The following PDE2A variants were observed in gnomAD, a reference collection of about 807,000 sequenced individuals.
The protein encoded by PDE2A is phosphodiesterase 2A.
A neutral mutation model predicts 133.6 loss-of-function variants in PDE2A; 53 were observed. That is an observed-to-expected ratio of 0.40 (90% CI 0.32 to 0.50). PDE2A has a LOEUF of 0.50. Ranked by LOEUF, PDE2A falls within the 20% of genes least tolerant of loss-of-function variation. The pLI is 0.73. For missense variants in PDE2A, 796 were observed against 1,232.4 expected (o/e 0.65, Z 5.30); for synonymous variants, 491 against 490.2 (o/e 1.00, Z -0.02).
chr11:72,641,494 A>G (rs1319259831), intron 2 of PDE2A, among the ~76,000 whole-genome samples: 1 of 152,250 alleles, frequency 6.6e-6, no homozygotes, highest in Non-Finnish European at 1.5e-5. Flanking sequence ...ATAGACCAAG[A>G]GAGGTGGGCA....
chr11:72,640,833 T>C (rs968168693), intron 2 of PDE2A, among the ~76,000 whole-genome samples: 2 of 151,250 alleles, frequency 1.3e-5, no homozygotes, highest in African/African-American at 4.9e-5. Flanking sequence ...ACACACAAGT[T>C]CTCTACACAC....
chr11:72,612,960 AGAG>A (rs774958968), intron 2 of PDE2A, among the ~76,000 whole-genome samples: 2 of 152,140 alleles, frequency 1.3e-5, no homozygotes, highest in African/African-American at 2.4e-5. Context: ...TTATCTGGGG[AGAG>A]GAGAGGGTCT....
intron 2 of PDE2A, among the ~76,000 whole-genome samples, chr11:72,628,625 G>A (rs369553304): frequency 1.4e-4 from 22 of 152,212 alleles, no homozygotes; most frequent in African/African-American, 3.4e-4. Flanking sequence ...CACCGCTCCC[G>A]GCAGTGATAG....
Position 72,590,464 on chromosome 11 carries a change from C to A in PDE2A, c.666G>T (p.Ala222=), listed in dbSNP as rs765210423. 23 of 1,542,592 alleles carry A rather than the reference C, an allele frequency of 1.5e-5. No individual in the cohort carries two copies. The highest frequency in any genetic ancestry group is 2.0e-5 in the Non-Finnish European group (23 of 1,147,014). ...GTAEDQKGGA[A]YTDRDRKILQ... ...GGATCTTGCGGTCGCGGTCGGTGTA[C>A]GCCGCCCCGCCCTTCTGGTCTTCCG... Residue 222 remains alanine (A), a synonymous_variant, in exon 8 of 31, where the codon GCG becomes GCT. Transcript: ENST00000334456. This position sits in a 1 kb window ranked among gnomAD's most constrained non-coding sequence, Gnocchi z 4.8.
chr11:72,672,528 C>T (rs1704704424), intron 1 of PDE2A, among the ~76,000 whole-genome samples: 1 of 152,276 alleles, frequency 6.6e-6, no homozygotes, highest in African/African-American at 2.4e-5. Context: ...TGTCTCTCCC[C>T]TATATAAAAC....
Position 72,577,549 on chromosome 11 carries a change from G to T in PDE2A, c.2661C>A (p.Arg887=). 11 of 1,609,648 alleles carry T rather than the reference G, an allele frequency of 6.8e-6. No individual in the cohort carries two copies. Among genetic ancestry groups the T allele is most frequent in the Non-Finnish European group, 9.3e-6 (11 of 1,179,992 alleles). ...LFPKAAELYE[R]VASNREHWTK... Reference sequence around the variant, plus strand: ...TCCAGTGCTCACGGTTGGAGGCCACGCGCTCGTACAGCTCTGCCGCTTTGG... The same window carrying T: ...TCCAGTGCTCACGGTTGGAGGCCACTCGCTCGTACAGCTCTGCCGCTTTGG... The change falls in exon 31 of 31, where the codon CGC becomes CGA. Residue 887 remains arginine, a synonymous_variant. Coordinates refer to ENST00000334456, the MANE Select transcript of PDE2A (RefSeq NM_002599.5).
At chr11:72,628,333 C>CTTTT (rs562919002) in intron 2 of PDE2A, among the ~76,000 whole-genome samples, 1 of 142,054 alleles carries the variant, frequency 7.0e-6, no homozygotes. Flanking sequence ...GATAGAGGTT[C>CTTTT]TTTTTTTTTT....
At chr11:72,627,858 G>A (rs1234087379) in intron 2 of PDE2A, among the ~76,000 whole-genome samples, 4 of 152,212 alleles carry the variant, frequency 2.6e-5, no homozygotes. Flanking sequence ...AACTTGAACT[G>A]CCCCAGACCT....
chr11:72,583,652 C>T (rs1855821881), intron 19 of PDE2A, 137 bp from the exon 20 acceptor site: 2 of 671,502 alleles, frequency 3.0e-6, no homozygotes, highest in South Asian at 3.5e-5. Flanking sequence ...CTTCAAGCTC[C>T]AGTCCACAGT....
chr11:72,633,191 C>CCTAAGAAGCCAA (rs71858054), intron 2 of PDE2A, among the ~76,000 whole-genome samples: 6 of 151,996 alleles, frequency 3.9e-5, no homozygotes, highest in Non-Finnish European at 8.8e-5. Flanking sequence ...GGACCCTAGT[C>CCTAAGAAGCCAA]CAGGCCAGGG....
At chr11:72,627,643 T>C (rs1858150664) in intron 2 of PDE2A, among the ~76,000 whole-genome samples, 1 of 152,184 alleles carries the variant, frequency 6.6e-6, no homozygotes, top group East Asian at 1.9e-4. Flanking sequence ...AGCAATGCCC[T>C]GCCAAGGGGT....
chr11:72,641,330 TG>T (rs1858941247), intron 2 of PDE2A, among the ~76,000 whole-genome samples: 1 of 152,100 alleles, frequency 6.6e-6, no homozygotes, highest in Non-Finnish European at 1.5e-5. Flanking sequence ...CCTGAGAACA[TG>T]GGGGGCGGGG....
chr11:72,591,385 G>A (rs1591033726), intron 6 of PDE2A, 29 bp from the exon 7 acceptor site: 4 of 1,584,854 alleles, frequency 2.5e-6, no homozygotes, highest in Non-Finnish European at 3.5e-6. Context: ...GGAACTAGCT[G>A]TGACCTCTCT....
At chr11:72,580,851 G>T in intron 24 of PDE2A, 35 bp downstream of exon 24, 1 of 1,315,178 alleles carries the variant, frequency 7.6e-7, no homozygotes, top group Non-Finnish European at 1.1e-6. Context: ...GACACCCCAT[G>T]GAGGGTCCCC....
At chr11:72,672,169 CTTCTT>C (rs1855401337) in intron 1 of PDE2A, among the ~76,000 whole-genome samples, 1 of 115,254 alleles carries the variant, frequency 8.7e-6, no homozygotes, top group African/African-American at 3.0e-5. Context: ...TATTTTTCTT[CTTCTT>C]TTTTTTTTTC....
At chr11:72,661,213 G>A (rs3781915) in intron 1 of PDE2A, among the ~76,000 whole-genome samples, 36,537 of 152,052 alleles carry the variant, frequency 0.24, 4,743 homozygotes, top group South Asian at 0.34. Flanking sequence ...GCTGAGGAAG[G>A]AGAATCGCCT....
intron 1 of PDE2A, chr11:72,658,081 G>T (rs1185640828): frequency 2.2e-6 from 1 of 456,120 alleles, no homozygotes; most frequent in Non-Finnish European, 4.4e-6. Flanking sequence ...AACCTGCAGG[G>T]TCAGAATCAT....
At chr11:72,617,012 C>T (rs1365034153) in intron 2 of PDE2A, among the ~76,000 whole-genome samples, 1 of 152,212 alleles carries the variant, frequency 6.6e-6, no homozygotes, top group African/African-American at 2.4e-5. Context: ...CCCAGGCTCT[C>T]ATCTGGAGCC....
At position 72,597,949 on chromosome 11, in the gene PDE2A, G is replaced by A. The variant is rs1056301682; in HGVS notation, c.324-330C>T. Among the ~76,000 whole-genome samples, 1 of 152,110 alleles carries A rather than the reference G, an allele frequency of 6.6e-6. No individual in the cohort carries two copies. Among genetic ancestry groups the A allele is most frequent in the African/African-American group, 2.4e-5 (1 of 41,424 alleles). On this transcript the variant is annotated intron_variant, in intron 4 of 30. Coordinates refer to ENST00000334456, the MANE Select transcript of PDE2A (RefSeq NM_002599.5). The surrounding 1 kb of genome is among the most constrained non-coding windows in gnomAD (Gnocchi z 4.6). ...GGCTGCCTGCTACAATCTGACCTTA[G>A]GCACATGACCTGACCTCTCTGATCT...
Sources: allele counts gnomAD v4.1 joint callset (sites outside exome capture counted in the v4.1 genomes callset), GRCh38; gene constraint gnomAD v4.1.1; non-coding constraint Gnocchi (gnomAD v3.1); transcripts MANE v1.5; gene names NCBI Gene and HGNC (gene_info 2026-07-23, HGNC 2026-07-21).